The following GIGYF2 variants were observed in gnomAD, a reference collection of about 807,000 sequenced individuals.
The protein encoded by GIGYF2 is GRB10-interacting GYF protein 2.
In GIGYF2, 25 loss-of-function variants were observed where a neutral mutation model predicts 208.1. That is an observed-to-expected ratio of 0.12 (90% CI 0.09 to 0.17). The LOEUF (loss-of-function observed/expected upper bound fraction) is 0.17. Among genes scored for constraint, GIGYF2 ranks in the 10% least tolerant of loss-of-function variants. The probability of loss-of-function intolerance (pLI) is 1.00; values close to 1 mark genes in which losing one functional copy is unlikely to be tolerated. For synonymous variants in GIGYF2, 534 were observed against 543.8 expected (o/e 0.98, Z 0.25); for missense variants, 1,302 against 1,579.4 (o/e 0.82, Z 2.98).
Position 232,811,340 on chromosome 2 carries a change from C to A in GIGYF2, c.1995C>A (p.Thr665=). Residue 665 remains threonine (T), a synonymous_variant, in exon 17 of 29, where the codon ACC becomes ACA. Coordinates refer to ENST00000373563, the MANE Select transcript of GIGYF2 (RefSeq NM_001103146.3). ...CACTTCTTCTTCAACAGTTTCAGAC[C>A]TTGAAGATGAGGTTGGTGGTCATTC... is the stretch of plus-strand genomic sequence containing the variant. ...QLALLLQQFQ[T]LKMRISDQNI... 6.3e-7 allele frequency: 1 copy of A among 1,577,626 alleles called. No individual in the cohort carries two copies. Among genetic ancestry groups the A allele is most frequent in the Non-Finnish European group, 8.7e-7 (1 of 1,146,810 alleles).
At chr2:232,701,125 A>G (rs1695821393) in intron 1 of GIGYF2, among the ~76,000 whole-genome samples, 1 of 152,136 alleles carries the variant, frequency 6.6e-6, no homozygotes. Context: ...AGAGGTTTGA[A>G]AAACAAAGAA....
intron 8 of GIGYF2, among the ~76,000 whole-genome samples, chr2:232,762,228 TTTTTTTTTTG>T (rs1698769279): frequency 1.7e-5 from 2 of 120,556 alleles, no homozygotes; most frequent in Non-Finnish European, 1.9e-5. Flanking sequence ...AATCATGTCT[TTTTTTTTTTG>T]TTTTTTTTTT....
intron 3 of GIGYF2, among the ~76,000 whole-genome samples, chr2:232,746,583 T>C (rs929941850): frequency 1.8e-4 from 27 of 152,132 alleles, no homozygotes; most frequent in Non-Finnish European, 2.6e-4. Context: ...TTTTCTTCCC[T>C]TTTTCCCCAT....
chr2:232,757,292 T>C (rs1698585950), intron 6 of GIGYF2, among the ~76,000 whole-genome samples: 1 of 152,170 alleles, frequency 6.6e-6, no homozygotes, highest in African/African-American at 2.4e-5. Flanking sequence ...TCTCCACTTG[T>C]TTTGCTAGGT....
At chr2:232,792,494 C>G (rs116680354) in intron 12 of GIGYF2, among the ~76,000 whole-genome samples, 1 of 152,188 alleles carries the variant, frequency 6.6e-6, no homozygotes. Flanking sequence ...CCCAGCTACT[C>G]GGGAAGCTGA....
intron 6 of GIGYF2, 48 bp downstream of exon 6, chr2:232,756,382 T>G: frequency 1.7e-5 from 16 of 932,492 alleles, no homozygotes; most frequent in Non-Finnish European, 2.3e-5. Context: ...AGGAGGAGGA[T>G]AGAGAACTTA....
chr2:232,705,244 CTA>C (rs1370004231), intron 2 of GIGYF2, among the ~76,000 whole-genome samples: 2 of 152,086 alleles, frequency 1.3e-5, no homozygotes, highest in African/African-American at 4.8e-5. Context: ...TTCATAGACT[CTA>C]TTCACATTAT....
intron 2 of GIGYF2, among the ~76,000 whole-genome samples, chr2:232,716,310 CCT>C (rs1696674344): frequency 6.6e-6 from 1 of 151,244 alleles, no homozygotes. Flanking sequence ...TGAATGTAGG[CCT>C]CTTTATGGTC....
intron 8 of GIGYF2, among the ~76,000 whole-genome samples, chr2:232,778,467 C>CTCT (rs1699605414): frequency 6.6e-6 from 1 of 152,196 alleles, no homozygotes; most frequent in African/African-American, 2.4e-5. Flanking sequence ...TGTAGACCAG[C>CTCT]TCTGAAGTGC....
chr2:232,824,789 A>G (rs559834937), intron 21 of GIGYF2, among the ~76,000 whole-genome samples: 1 of 152,366 alleles, frequency 6.6e-6, no homozygotes, highest in Admixed American at 6.5e-5. Flanking sequence ...TAGGACTTTC[A>G]TAGCTAGAGA....
intron 2 of GIGYF2, among the ~76,000 whole-genome samples, chr2:232,705,225 G>A (rs13029336): frequency 0.47 from 71,696 of 151,842 alleles, 17,916 homozygotes; most frequent in South Asian, 0.69. Context: ...AGAATTCGCA[G>A]GGTCCAACTT....
At chr2:232,699,076 A>G (rs1182913329) in intron 1 of GIGYF2, among the ~76,000 whole-genome samples, 1 of 152,202 alleles carries the variant, frequency 6.6e-6, no homozygotes, top group South Asian at 2.1e-4. Context: ...GAAAGAAAAA[A>G]ATGAGTCAGG....
chr2:232,716,400 A>G (rs1355533988), intron 2 of GIGYF2, among the ~76,000 whole-genome samples: 1 of 131,318 alleles, frequency 7.6e-6, no homozygotes. Context: ...TTTTTTTGAG[A>G]CAGAGTCTCA....
At chr2:232,789,884 T>C (rs1700020163) in intron 9 of GIGYF2, among the ~76,000 whole-genome samples, 1 of 152,126 alleles carries the variant, frequency 6.6e-6, no homozygotes. Flanking sequence ...TATTAGGCAA[T>C]CTTTTCTTCT....
In GIGYF2 at chr2:232,730,411, C is replaced by T. The variant is rs948247204; in HGVS notation, c.-43-4744C>T. ...TTTAAGGTTGGGAGTTCGAGACCAG[C>T]CTGGCCAACATGGTGAAACCCCGTC... is the stretch of plus-strand genomic sequence containing the variant. On this transcript the variant is annotated intron_variant, in intron 2 of 28. Coordinates refer to ENST00000373563, the MANE Select transcript of GIGYF2 (RefSeq NM_001103146.3). 3.3e-5 allele frequency among the ~76,000 whole-genome samples: 5 copies of T among 151,144 alleles called. No individual in the cohort carries two copies. In the South Asian group the frequency reaches 8.4e-4, roughly 25 times the overall value.
At chr2:232,840,817 G>GACATAAT (rs1336331633) in intron 23 of GIGYF2, among the ~76,000 whole-genome samples, 4 of 152,186 alleles carry the variant, frequency 2.6e-5, no homozygotes, top group Non-Finnish European at 5.9e-5. Context: ...CTGAAAAGGT[G>GACATAAT]ACATAATATA....
chr2:232,829,719 C>G (rs1054336699), intron 21 of GIGYF2, among the ~76,000 whole-genome samples: 25 of 152,168 alleles, frequency 1.6e-4, no homozygotes, highest in Admixed American at 1.6e-3. Context: ...AAATTTCCCC[C>G]CCAGGTTAAT....
intron 8 of GIGYF2, among the ~76,000 whole-genome samples, chr2:232,781,911 G>T (rs1699734188): frequency 6.6e-6 from 1 of 152,174 alleles, no homozygotes; most frequent in Admixed American, 6.5e-5. Context: ...CACCTTACTG[G>T]TATCCCTATC....
intron 8 of GIGYF2, among the ~76,000 whole-genome samples, chr2:232,784,260 T>C (rs1259148467): frequency 2.0e-5 from 3 of 152,004 alleles, no homozygotes; most frequent in Non-Finnish European, 2.9e-5. Flanking sequence ...GGCCAGAAGT[T>C]CAAGACCAAC....
Sources: gnomAD v4.1 joint callset for allele counts (sites outside exome capture counted in the v4.1 genomes callset) on GRCh38, gnomAD v4.1.1 for gene constraint, MANE v1.5 for transcripts, NCBI Gene and HGNC (gene_info 2026-07-23, HGNC 2026-07-21) for gene names.